Variants in REDIC1 observed in about 807,000 individuals in gnomAD.
The protein encoded by REDIC1 is regulator of DNA class I crossover intermediates 1.
At chr12:39,716,821 A>G in the REDIC1 span, 2 of 1,597,252 alleles carry the variant, frequency 1.3e-6, no homozygotes, top group Non-Finnish European at 8.5e-7. Context: ...CAGCTGTTTC[A>G]GTTCTAGTTC....
the REDIC1 span, among the ~76,000 whole-genome samples, chr12:39,797,727 AACACACAC>A: frequency 1.2e-5 from 1 of 83,998 alleles, no homozygotes; most frequent in African/African-American, 4.5e-5. Flanking sequence ...AGTTATGGTA[AACACACAC>A]ACACACACAC....
chr12:39,770,944 A>ACC, the REDIC1 span, among the ~76,000 whole-genome samples: 1 of 152,154 alleles, frequency 6.6e-6, no homozygotes, highest in Admixed American at 6.5e-5. Flanking sequence ...CTCTAGGTGT[A>ACC]ATATCTCAAA....
chr12:39,686,952 G>T, the REDIC1 span, among the ~76,000 whole-genome samples: 3 of 152,104 alleles, frequency 2.0e-5, no homozygotes, highest in East Asian at 5.8e-4. Flanking sequence ...CTAGGGCAGG[G>T]GCACAGTGCT....
the REDIC1 span, among the ~76,000 whole-genome samples, chr12:39,629,584 C>G: frequency 6.6e-6 from 1 of 152,152 alleles, no homozygotes; most frequent in African/African-American, 2.4e-5. Flanking sequence ...CTTTACCAGT[C>G]ATATATAAAA....
the REDIC1 span, chr12:39,864,960 C>T: frequency 2.3e-6 from 3 of 1,327,042 alleles, no homozygotes; most frequent in East Asian, 2.6e-5. Context: ...TAAAAACAAA[C>T]CAAAAAACAA....
At chr12:39,904,816 A>G in the REDIC1 span, among the ~76,000 whole-genome samples, 1 of 152,102 alleles carries the variant, frequency 6.6e-6, no homozygotes, top group Non-Finnish European at 1.5e-5. Flanking sequence ...ATATTTGTTG[A>G]ATGAATACCT....
the REDIC1 span, among the ~76,000 whole-genome samples, chr12:39,750,942 C>A: frequency 1.5e-4 from 23 of 152,086 alleles, no homozygotes; most frequent in African/African-American, 5.6e-4. Context: ...CATGTTAGAC[C>A]TGAAACCATA....
At chr12:39,679,197 G>A in the REDIC1 span, among the ~76,000 whole-genome samples, 3 of 152,106 alleles carry the variant, frequency 2.0e-5, no homozygotes, top group Non-Finnish European at 4.4e-5. Flanking sequence ...CATCCAAATA[G>A]ATAAAGAGGA....
chr12:39,823,492 T>C, the REDIC1 span, among the ~76,000 whole-genome samples: 4 of 152,216 alleles, frequency 2.6e-5, no homozygotes, highest in African/African-American at 9.6e-5. Flanking sequence ...CTATTTGATA[T>C]AGTTTTGTAA....
chr12:39,749,633 A>T, the REDIC1 span, among the ~76,000 whole-genome samples: 1 of 152,230 alleles, frequency 6.6e-6, no homozygotes, highest in African/African-American at 2.4e-5. Context: ...ATTTTAGACC[A>T]ATATCCCTGA....
chr12:39,696,623 C>G, the REDIC1 span, among the ~76,000 whole-genome samples: 1 of 140,768 alleles, frequency 7.1e-6, no homozygotes, highest in Non-Finnish European at 1.5e-5. Flanking sequence ...ACATATGTGA[C>G]CTTTCAGACA....
At chr12:39,829,863 C>T in the REDIC1 span, 6 of 515,940 alleles carry the variant, frequency 1.2e-5, no homozygotes, top group South Asian at 1.1e-4. Flanking sequence ...GATCCAAACT[C>T]CTATACCTTA....
chr12:39,760,053 A>G, the REDIC1 span: 12 of 1,612,362 alleles, frequency 7.4e-6, no homozygotes, highest in Non-Finnish European at 8.5e-6. Flanking sequence ...CATCATTGTC[A>G]GAAAGATGAT....
chr12:39,905,776 T>C, the REDIC1 span, among the ~76,000 whole-genome samples: 8 of 147,604 alleles, frequency 5.4e-5, no homozygotes, highest in Non-Finnish European at 1.2e-4. Flanking sequence ...CTGCCACAAA[T>C]TGAAACAGGC....
the REDIC1 span, among the ~76,000 whole-genome samples, chr12:39,849,001 A>G: frequency 6.6e-6 from 1 of 151,920 alleles, no homozygotes; most frequent in Non-Finnish European, 1.5e-5. Flanking sequence ...GAAGGAAACA[A>G]CAGACACTGG....
the REDIC1 span, among the ~76,000 whole-genome samples, chr12:39,863,763 A>G: frequency 6.6e-6 from 1 of 152,172 alleles, no homozygotes; most frequent in Non-Finnish European, 1.5e-5. Flanking sequence ...CTATTTTCCA[A>G]AGGCACATAG....
chr12:39,694,974 A>G, the REDIC1 span, among the ~76,000 whole-genome samples: 1 of 152,244 alleles, frequency 6.6e-6, no homozygotes, highest in Middle Eastern at 3.4e-3. Context: ...TAGCTCCAAG[A>G]TGACATTTCT....
the REDIC1 span, among the ~76,000 whole-genome samples, chr12:39,713,872 T>C: frequency 6.7e-6 from 1 of 148,716 alleles, no homozygotes; most frequent in African/African-American, 2.5e-5. Flanking sequence ...CATATATATG[T>C]ATATTTACGT....
At chr12:39,680,280 GA>G in the REDIC1 span, among the ~76,000 whole-genome samples, 1 of 151,836 alleles carries the variant, frequency 6.6e-6, no homozygotes, top group African/African-American at 2.4e-5. Context: ...AAATCAGTAA[GA>G]AAAAAACAAG....
Sources: allele counts gnomAD v4.1 joint callset (sites outside exome capture counted in the v4.1 genomes callset), GRCh38; gene constraint gnomAD v4.1.1; transcripts MANE v1.5; gene names NCBI Gene and HGNC (gene_info 2026-07-23, HGNC 2026-07-21).